The following CSMD3 variants were observed in gnomAD, a reference collection of about 807,000 sequenced individuals.
The protein encoded by CSMD3 is CUB and sushi domain-containing protein 3.
CSMD3 carries 177 observed loss-of-function variants against 435.2 expected under a neutral mutation model. That is an observed-to-expected ratio of 0.41 (90% confidence interval 0.36 to 0.46). The LOEUF (loss-of-function observed/expected upper bound fraction) is 0.46, where lower values mean the gene tolerates loss of function less well. Among genes scored for constraint, CSMD3 ranks in the 20% least tolerant of loss-of-function variants. CSMD3 has a pLI of 0.34. For synonymous variants in CSMD3, 1,656 were observed against 1,520.5 expected, an observed-to-expected ratio of 1.09 and a Z score of -2.07; for missense variants, 4,265 against 4,504.6, an observed-to-expected ratio of 0.95 and a Z score of 1.52.
At chr8:112,343,017 T>TATATTTA (rs1563815796) in intron 41 of CSMD3, among the ~76,000 whole-genome samples, 62 of 52,538 alleles carry the variant, frequency 1.2e-3, no homozygotes, top group African/African-American at 9.3e-4. Flanking sequence ...ATATATATAT[T>TATATTTA]TATATATATA....
chr8:112,807,244 G>A (rs2079111391), intron 12 of CSMD3, among the ~76,000 whole-genome samples: 1 of 152,130 alleles, frequency 6.6e-6, no homozygotes, highest in Non-Finnish European at 1.5e-5. Context: ...TACCTTGTCT[G>A]GGAAATCTGC....
At chr8:112,845,641 G>T (rs1332218008) in intron 11 of CSMD3, among the ~76,000 whole-genome samples, 1 of 151,982 alleles carries the variant, frequency 6.6e-6, no homozygotes, top group Admixed American at 6.6e-5. Context: ...TTACAAAGAA[G>T]ACATTATTTC....
intron 42 of CSMD3, among the ~76,000 whole-genome samples, chr8:112,338,859 T>C (rs548863015): frequency 5.3e-5 from 8 of 152,278 alleles, no homozygotes; most frequent in African/African-American, 1.4e-4. Flanking sequence ...AGTTGGAATA[T>C]ATTATTCTAT....
chr8:112,353,980 A>G (rs548970451), intron 38 of CSMD3, among the ~76,000 whole-genome samples: 1 of 152,332 alleles, frequency 6.6e-6, no homozygotes, highest in South Asian at 2.1e-4. Flanking sequence ...CCAGTAGCAT[A>G]TCAAAAAGTT....
chr8:112,908,609 A>G (rs1489604046), intron 10 of CSMD3, among the ~76,000 whole-genome samples: 1 of 151,552 alleles, frequency 6.6e-6, no homozygotes, highest in East Asian at 1.9e-4. Flanking sequence ...AAATAGGTTC[A>G]CAATAGCCAG....
chr8:112,389,192 A>T (rs1830206233), intron 36 of CSMD3, among the ~76,000 whole-genome samples: 3 of 152,184 alleles, frequency 2.0e-5, no homozygotes, highest in African/African-American at 7.2e-5. Context: ...AGAGAAGATG[A>T]TAACTAAAGA....
intron 3 of CSMD3, among the ~76,000 whole-genome samples, chr8:113,187,222 C>T (rs1018624846): frequency 6.0e-5 from 9 of 151,126 alleles, no homozygotes; most frequent in African/African-American, 2.2e-4. Context: ...AATGTGTCTG[C>T]ATTCCTAATC....
intron 50 of CSMD3, chr8:112,310,655 A>C: frequency 2.5e-6 from 1 of 395,164 alleles, no homozygotes; most frequent in Non-Finnish European, 4.8e-6. Flanking sequence ...TGCAGACTTC[A>C]TACTAACTCA....
At chr8:112,795,575 C>A (rs916506643) in intron 13 of CSMD3, among the ~76,000 whole-genome samples, 1 of 152,116 alleles carries the variant, frequency 6.6e-6, no homozygotes, top group African/African-American at 2.4e-5. Flanking sequence ...GGGGTCCAAT[C>A]TTCTCCTACA....
chr8:112,449,131 CCAGCAGTAACCTG>C (rs1349413962), intron 32 of CSMD3, among the ~76,000 whole-genome samples: 1 of 152,052 alleles, frequency 6.6e-6, no homozygotes, highest in African/African-American at 2.4e-5. Context: ...TATATCCAAG[CCAGCAGTAACCTG>C]AATTGGCTTA....
intron 60 of CSMD3, 67 bp from the exon 61 acceptor site, chr8:112,263,879 A>T: frequency 2.2e-6 from 3 of 1,365,590 alleles, no homozygotes; most frequent in Non-Finnish European, 3.1e-6. Flanking sequence ...GATATAAATA[A>T]ATATCATTAG....
At chr8:113,240,989 C>T (rs146563527) in intron 3 of CSMD3, among the ~76,000 whole-genome samples, 261 of 152,150 alleles carry the variant, frequency 1.7e-3, no homozygotes, top group African/African-American at 6.1e-3. Context: ...GGGATTATTA[C>T]GGGAACAAGT....
intron 30 of CSMD3, among the ~76,000 whole-genome samples, chr8:112,496,927 TA>T (rs1821411667): frequency 6.6e-6 from 1 of 152,150 alleles, no homozygotes; most frequent in Non-Finnish European, 1.5e-5. Flanking sequence ...AATTTAATTG[TA>T]CATTTAAAAA....
chr8:112,438,630 T>A (rs563182094), intron 32 of CSMD3, among the ~76,000 whole-genome samples: 2 of 152,190 alleles, frequency 1.3e-5, no homozygotes, highest in Non-Finnish European at 2.9e-5. Context: ...TTCAAAAAAA[T>A]CTTTTATAAA....
Position 112,911,297 on chromosome 8 carries a change from TA to T in CSMD3, c.1633+10329del, listed in dbSNP as rs1399593267. 1.2e-3 allele frequency among the ~76,000 whole-genome samples: 179 copies of T among 151,966 alleles called. 6 individuals carry two copies. Among genetic ancestry groups the T allele is most frequent in the Non-Finnish European group, 9.1e-4 (62 of 67,916 alleles). On this transcript the variant is annotated intron_variant, in intron 10 of 70. Transcript: ENST00000297405. ...AGCTTATTAAGATACAATTGACAAATAAAAAATGTATATATGATATTTTGAT... is the reference window on the plus strand; with the variant it reads ...AGCTTATTAAGATACAATTGACAAATAAAAATGTATATATGATATTTTGAT...
intron 44 of CSMD3, among the ~76,000 whole-genome samples, chr8:112,335,701 T>C (rs959254608): frequency 6.6e-6 from 1 of 151,890 alleles, no homozygotes; most frequent in Non-Finnish European, 1.5e-5. Context: ...CTAAATGGAA[T>C]GTACTCATAT....
intron 1 of CSMD3, among the ~76,000 whole-genome samples, chr8:113,436,065 C>G (rs1239750121): frequency 2.0e-5 from 3 of 152,070 alleles, no homozygotes; most frequent in Non-Finnish European, 1.5e-5. Context: ...TCAGACCCTT[C>G]GAAAGCCTCA....
intron 2 of CSMD3, among the ~76,000 whole-genome samples, chr8:113,303,843 T>C (rs928934941): frequency 4.3e-5 from 6 of 140,666 alleles, no homozygotes; most frequent in South Asian, 2.4e-4. Flanking sequence ...ATTCACGACA[T>C]AGGCATGGGC....
intron 38 of CSMD3, among the ~76,000 whole-genome samples, chr8:112,368,276 T>G (rs1234830861): frequency 6.6e-6 from 1 of 152,162 alleles, no homozygotes; most frequent in Non-Finnish European, 1.5e-5. Flanking sequence ...GTTCATCACC[T>G]AAATTATACA....
Sources: allele counts gnomAD v4.1 joint callset (sites outside exome capture counted in the v4.1 genomes callset), GRCh38; gene constraint gnomAD v4.1.1; transcripts MANE v1.5; gene names NCBI Gene and HGNC (gene_info 2026-07-23, HGNC 2026-07-21).